JADE1: variants seen among roughly 807,000 people sequenced by gnomAD.
The protein encoded by JADE1 is protein Jade-1.
Under a neutral mutation model 81.8 loss-of-function variants are expected in JADE1, and 14 were observed. The observed-to-expected ratio is 0.17, with a 90% CI of 0.11 to 0.27. The LOEUF is 0.27. Among genes scored for constraint, JADE1 ranks in the 10% least tolerant of loss-of-function variants. JADE1 has a pLI of 1.00. For synonymous variants in JADE1, 353 were observed against 391.9 expected (o/e 0.90, Z 1.17); for missense variants, 690 against 1,047.9 (o/e 0.66, Z 4.71).
intron 10 of JADE1, among the ~76,000 whole-genome samples, chr4:128,869,379 G>C (rs1233613728): frequency 2.6e-5 from 4 of 152,296 alleles, no homozygotes; most frequent in African/African-American, 9.6e-5. Flanking sequence ...AATGAGATCT[G>C]TTTAACTGCC....
intron 3 of JADE1, among the ~76,000 whole-genome samples, chr4:128,845,485 A>G (rs535795036): frequency 6.6e-6 from 1 of 152,312 alleles, no homozygotes; most frequent in South Asian, 2.1e-4. Flanking sequence ...TTGCAGGCCC[A>G]TCAACCCAGT....
In JADE1 at chr4:128,852,250, C is replaced by T. The variant is rs763961110; in HGVS notation, c.678C>T (p.Cys226=). ...DGNEMVFCDK[C]NICVHQACYG... Reference sequence around the variant, plus strand: ...ATGAGATGGTGTTCTGTGACAAATGCAACATCTGTGTGCACCAGGTATGTG... The same window carrying T: ...ATGAGATGGTGTTCTGTGACAAATGTAACATCTGTGTGCACCAGGTATGTG... The change falls in exon 6 of 11, where the codon TGC becomes TGT. Residue 226 remains cysteine, a synonymous_variant. Transcript: ENST00000226319. The T allele has an allele frequency of 8.1e-6, 13 of 1,613,846 alleles. No individual in the cohort carries two copies. In the African/African-American group the frequency reaches 1.3e-4, roughly 17 times the overall value.
At chr4:128,856,538 A>C (rs1730811960) in intron 7 of JADE1, among the ~76,000 whole-genome samples, 1 of 151,718 alleles carries the variant, frequency 6.6e-6, no homozygotes, top group South Asian at 2.1e-4. Flanking sequence ...AAAAACCACC[A>C]CTCTTAGGCA....
chr4:128,812,590 C>G (rs1057152888), intron 1 of JADE1, among the ~76,000 whole-genome samples: 4 of 152,220 alleles, frequency 2.6e-5, no homozygotes, highest in African/African-American at 7.2e-5. Context: ...CCGCGCCAGG[C>G]TCCGCTGGCC....
chr4:128,847,332 C>T (rs1316538396), intron 4 of JADE1, among the ~76,000 whole-genome samples: 2 of 152,234 alleles, frequency 1.3e-5, no homozygotes, highest in African/African-American at 2.4e-5. Flanking sequence ...ACTGAACTTG[C>T]TTCCTGGCCC....
chr4:128,867,233 C>T (rs2125900160), intron 9 of JADE1, among the ~76,000 whole-genome samples: 1 of 152,340 alleles, frequency 6.6e-6, no homozygotes, highest in East Asian at 1.9e-4. Context: ...CACCTCATAG[C>T]AACACATAAG....
At position 128,846,161 on chromosome 4, in the gene JADE1, G is replaced by A. The variant is rs919429647; in HGVS notation, c.139-214G>A. 3.3e-5 allele frequency among the ~76,000 whole-genome samples: 5 copies of A among 152,096 alleles called. No homozygotes were observed. The highest frequency in any genetic ancestry group is 3.3e-4 in the Admixed American group (5 of 15,276). On this transcript the variant is annotated intron_variant, in intron 3 of 10. Coordinates refer to ENST00000226319, the MANE Select transcript of JADE1 (RefSeq NM_199320.4). The surrounding 1 kb of genome is among the most constrained non-coding windows in gnomAD (Gnocchi z 4.0). The stretch of plus-strand genomic sequence containing the variant: ...GTTGTGGACACTATGGACTGAGGGA[G>A]TGAGAGGGCAGTGTTCCCTCAGCAC...
intron 10 of JADE1, 118 bp downstream of exon 10, chr4:128,868,091 C>T (rs567652052): frequency 3.2e-5 from 18 of 559,024 alleles, no homozygotes; most frequent in Admixed American, 1.3e-4. Context: ...GAAGCATAGA[C>T]GTTCATATTT....
rs1220958648 is a variant in JADE1, at chr4:128,861,847, G to C, written c.1125G>C (p.Glu375Asp). Residue 375 changes from glutamate to aspartate, a missense_variant, in exon 9 of 11, where the codon GAG becomes GAC. Coordinates refer to ENST00000226319, the MANE Select transcript of JADE1 (RefSeq NM_199320.4). Reference protein sequence around the residue: ...CPKHSSHRKPEESLGKGAAQE... With the variant: ...CPKHSSHRKPDESLGKGAAQE... Reference sequence around the variant, plus strand: ...AGCACAGCTCACATAGGAAACCCGAGGAGAGTCTTGGCAAGGGGGCTGCAC... The same window carrying C: ...AGCACAGCTCACATAGGAAACCCGACGAGAGTCTTGGCAAGGGGGCTGCAC... The C allele has an allele frequency of 6.2e-7, 1 of 1,614,216 alleles. No homozygotes were observed. Among genetic ancestry groups the C allele is most frequent in the Non-Finnish European group, 8.5e-7 (1 of 1,180,036 alleles).
chr4:128,834,553 A>C (rs942747515), intron 2 of JADE1, among the ~76,000 whole-genome samples: 5 of 76,408 alleles, frequency 6.5e-5, no homozygotes, highest in Non-Finnish European at 1.2e-4. Context: ...TTTTTTTTTG[A>C]GATGGAGTCT....
intron 9 of JADE1, chr4:128,864,493 T>G (rs1731635161): frequency 1.0e-6 from 1 of 985,274 alleles, no homozygotes; most frequent in Admixed American, 6.2e-5. Context: ...CTACCCAAAA[T>G]TTGCCATGAT....
chr4:128,840,203 A>AGCT (rs1729316119), intron 2 of JADE1, among the ~76,000 whole-genome samples: 1 of 152,214 alleles, frequency 6.6e-6, no homozygotes, highest in Non-Finnish European at 1.5e-5. Flanking sequence ...ATGCCAGCAA[A>AGCT]GCTGCAAGCT....
intron 1 of JADE1, among the ~76,000 whole-genome samples, chr4:128,830,621 G>T (rs1261761038): frequency 6.6e-6 from 1 of 152,212 alleles, no homozygotes; most frequent in African/African-American, 2.4e-5. Context: ...GGGTGGATGG[G>T]TAGGTAGGTG....
At position 128,846,277 on chromosome 4, in the gene JADE1, C is replaced by T. The variant is rs2125856320; in HGVS notation, c.139-98C>T. 5 of 1,225,152 alleles carry T rather than the reference C, an allele frequency of 4.1e-6. No homozygotes were observed. Among genetic ancestry groups the T allele is most frequent in the Middle Eastern group, 1.9e-4 (1 of 5,144 alleles). The allele number at this position is 1,225,152 out of a possible 1,614,324, so 75.9% of individuals were successfully genotyped here. ...GCTTGTTCTATGTTGATACAGTGACCTTGTTACATGGCAGCTCCATGGTTA... is the reference window on the plus strand; with the variant it reads ...GCTTGTTCTATGTTGATACAGTGACTTTGTTACATGGCAGCTCCATGGTTA... On this transcript the variant is annotated intron_variant, in intron 3 of 10. Transcript: ENST00000226319. This position sits in a 1 kb window ranked among gnomAD's most constrained non-coding sequence, Gnocchi z 4.0.
intron 1 of JADE1, among the ~76,000 whole-genome samples, chr4:128,814,222 G>A (rs1726780640): frequency 6.6e-6 from 1 of 152,128 alleles, no homozygotes; most frequent in Non-Finnish European, 1.5e-5. Flanking sequence ...TGGAGTTTGA[G>A]GAAATGTGTT....
intron 5 of JADE1, among the ~76,000 whole-genome samples, chr4:128,850,681 AC>A (rs1730276311): frequency 6.6e-6 from 1 of 152,220 alleles, no homozygotes; most frequent in Non-Finnish European, 1.5e-5. Flanking sequence ...CACAGATGAT[AC>A]AGTTTCTGCT....
In JADE1 at chr4:128,873,273, G is replaced by GAAAAAAAAAAAAAA. The variant is rs1553953485; in HGVS notation, c.*1018_*1019insAAAAAAAAAAAAAA. On this transcript the variant is annotated 3_prime_UTR_variant, in exon 11 of 11. Coordinates refer to ENST00000226319, the MANE Select transcript of JADE1 (RefSeq NM_199320.4). ...AGAAAAAGGAAAAAAAAAAAAAAAAGAAAAAAAGAAAAAAAAAAGAAAAAA... is the reference window on the plus strand; with the variant it reads ...AGAAAAAGGAAAAAAAAAAAAAAAAGAAAAAAAAAAAAAAAAAAAAAGAAAAAAAAAAGAAAAAA... 1.0e-4 allele frequency: 8 copies of GAAAAAAAAAAAAAA among 78,676 alleles called. No homozygotes were observed. The highest frequency in any genetic ancestry group is 7.0e-3 in the Middle Eastern group (1 of 142). 4.9% of individuals were successfully genotyped at this position (78,676 alleles called of 1,614,324 possible).
At chr4:128,847,141 C>G (rs1203189586) in intron 4 of JADE1, among the ~76,000 whole-genome samples, 2 of 152,194 alleles carry the variant, frequency 1.3e-5, no homozygotes, top group East Asian at 1.9e-4. Flanking sequence ...TGCCGACTCT[C>G]CTCACAATCA....
intron 3 of JADE1, among the ~76,000 whole-genome samples, chr4:128,845,310 G>T (rs961348626): frequency 3.9e-5 from 6 of 152,174 alleles, no homozygotes; most frequent in African/African-American, 7.2e-5. Context: ...CCTTCATTTG[G>T]CCTGTGATAA....
Sources: allele counts gnomAD v4.1 joint callset (sites outside exome capture counted in the v4.1 genomes callset), GRCh38; gene constraint gnomAD v4.1.1; non-coding constraint Gnocchi (gnomAD v3.1); transcripts MANE v1.5; gene names NCBI Gene and HGNC (gene_info 2026-07-23, HGNC 2026-07-21).